CD44: variants seen among roughly 807,000 people sequenced by gnomAD.
CD44 encodes the protein CD44 molecule (IN blood group), also known as CD44 antigen.
A neutral mutation model predicts 88.8 loss-of-function variants in CD44; 49 were observed. The observed-to-expected ratio is 0.55, with a 90% CI of 0.44 to 0.70. The LOEUF (loss-of-function observed/expected upper bound fraction) is 0.70, where lower values mean the gene tolerates loss of function less well. CD44 is among the 30% of genes least tolerant of loss of function. The pLI, the probability that CD44 is intolerant of heterozygous loss-of-function variation, is 0.00. For synonymous variants in CD44, 325 were observed against 312.3 expected, an observed-to-expected ratio of 1.04 and a Z score of -0.43; for missense variants, 883 against 913.8, an observed-to-expected ratio of 0.97 and a Z score of 0.43.
chr11:35,194,747 A>G (rs1392928061), intron 5 of CD44, among the ~76,000 whole-genome samples: 1 of 152,226 alleles, frequency 6.6e-6, no homozygotes, highest in Admixed American at 6.5e-5. Flanking sequence ...CCTTTTGGCA[A>G]TGTGTATATA....
At chr11:35,207,985 A>G (rs1187835481) in intron 11 of CD44, 120 bp from the exon 12 acceptor site, 3 of 654,038 alleles carry the variant, frequency 4.6e-6, no homozygotes, top group Admixed American at 4.5e-5. Context: ...TATAGTCAGT[A>G]TGTGCTTTCT....
intron 15 of CD44, among the ~76,000 whole-genome samples, chr11:35,216,636 C>A (rs1288031905): frequency 6.6e-6 from 1 of 152,172 alleles, no homozygotes; most frequent in Non-Finnish European, 1.5e-5. Flanking sequence ...GAGATCAAAT[C>A]ATCTGCCTCA....
intron 14 of CD44, chr11:35,214,568 CA>C: frequency 9.4e-6 from 3 of 319,134 alleles, no homozygotes; most frequent in Non-Finnish European, 1.7e-5. Flanking sequence ...GGATTTCTAC[CA>C]AAACAAAGTT....
chr11:35,151,270 C>T (rs145566682), intron 1 of CD44, among the ~76,000 whole-genome samples: 99 of 152,176 alleles, frequency 6.5e-4, no homozygotes, highest in African/African-American at 2.3e-3. Flanking sequence ...TGAGGTCGGA[C>T]AGATTCCAGG....
At chr11:35,221,182 T>G (rs1472532717) in intron 16 of CD44, among the ~76,000 whole-genome samples, 1 of 152,224 alleles carries the variant, frequency 6.6e-6, no homozygotes, top group East Asian at 1.9e-4. Context: ...CTCCTCATAT[T>G]GTAGTGCGTA....
chr11:35,139,596 T>G (rs1346759727), intron 1 of CD44: 1 of 756,560 alleles, frequency 1.3e-6, no homozygotes, highest in African/African-American at 1.7e-5. Flanking sequence ...GAGAAGAAAG[T>G]TTGTTGGGCA....
At position 35,189,733 on chromosome 11, in the gene CD44, C is replaced by CATTACACCTATTACA. The variant is rs1946084095; in HGVS notation, c.437-96_437-95insCCTATTACAATTACA. 2.8e-5 allele frequency: 22 copies of CATTACACCTATTACA among 788,852 alleles called. 1 individual carries two copies. In the South Asian group the frequency reaches 3.4e-4, roughly 12 times the overall value. 48.9% of individuals were successfully genotyped at this position (788,852 alleles called of 1,614,324 possible). A position where few individuals can be genotyped will look rare whatever the true frequency, so the allele number is the denominator to read the frequency against. ...CACCACTGGATAGATAGGTGTTTCT[C>CATTACACCTATTACA]ATTACAAAGGAAAATAGCTTTGAAG... On this transcript the variant is annotated intron_variant, in intron 4 of 17. Transcript: ENST00000428726.
chr11:35,222,799 T>G (rs1949412623), intron 17 of CD44: 2 of 984,962 alleles, frequency 2.0e-6, no homozygotes, highest in Admixed American at 6.1e-5. Context: ...AAATGTCCCT[T>G]TAGATGGTTT....
chr11:35,194,715 T>C (rs957832381), intron 5 of CD44, among the ~76,000 whole-genome samples: 5 of 152,230 alleles, frequency 3.3e-5, no homozygotes, highest in African/African-American at 1.2e-4. Context: ...TGATTGATAT[T>C]CTTAAATGTC....
intron 3 of CD44, among the ~76,000 whole-genome samples, chr11:35,180,662 G>T (rs776354582): frequency 1.1e-4 from 17 of 152,136 alleles, no homozygotes; most frequent in Non-Finnish European, 2.4e-4. Context: ...ATTGGGAGAA[G>T]AATTGTCTTG....
At chr11:35,200,069 G>A (rs1489907327) in intron 7 of CD44, among the ~76,000 whole-genome samples, 4 of 150,572 alleles carry the variant, frequency 2.7e-5, no homozygotes, top group African/African-American at 9.8e-5. Flanking sequence ...TCTTTCTTCT[G>A]GAGGGGTGTG....
Position 35,186,821 on chromosome 11 carries a change from C to T in CD44, c.368-11C>T. 6.4e-7 allele frequency: 1 copy of T among 1,573,862 alleles called. No individual in the cohort carries two copies. The highest frequency in any genetic ancestry group is 8.7e-7 in the Non-Finnish European group (1 of 1,144,806). Reference sequence around the variant, plus strand: ...TTAAAGGGTTCTCATCCTTTTTTTCCTACCTCATAGCTCCACCTGAAGAAG... The same window carrying T: ...TTAAAGGGTTCTCATCCTTTTTTTCTTACCTCATAGCTCCACCTGAAGAAG... On this transcript the variant is annotated splice_polypyrimidine_tract_variant and intron_variant, in intron 3 of 17. Transcript: ENST00000428726.
At chr11:35,190,299 G>A (rs543067742) in intron 5 of CD44, 2 of 565,268 alleles carry the variant, frequency 3.5e-6, no homozygotes, top group Non-Finnish European at 6.3e-6. Flanking sequence ...AGCATAAGAA[G>A]TGCCATATTG....
chr11:35,159,859 T>C (rs1942373532), intron 1 of CD44, among the ~76,000 whole-genome samples: 2 of 152,208 alleles, frequency 1.3e-5, no homozygotes. Flanking sequence ...TTCAGCTTCA[T>C]GGGATTAATC....
At chr11:35,221,161 T>C (rs925560631) in intron 16 of CD44, among the ~76,000 whole-genome samples, 2 of 152,240 alleles carry the variant, frequency 1.3e-5, no homozygotes, top group Non-Finnish European at 2.9e-5. Context: ...TTCCATGTCA[T>C]TGAATATTTC....
At chr11:35,192,075 GT>G (rs1395561587) in intron 5 of CD44, among the ~76,000 whole-genome samples, 2 of 152,210 alleles carry the variant, frequency 1.3e-5, no homozygotes, top group Non-Finnish European at 2.9e-5. Context: ...GAAAAGGAGT[GT>G]TTATGAGATT....
At chr11:35,205,761 G>A (rs147443454) in intron 10 of CD44, 7 of 991,934 alleles carry the variant, frequency 7.1e-6, no homozygotes, top group African/African-American at 1.7e-5. Flanking sequence ...TCATGCACTC[G>A]GGCTTTTATA....
Position 35,196,864 on chromosome 11 carries a change from A to G in CD44, c.786A>G (p.Thr262=), listed in dbSNP as rs548324344. The G allele has an allele frequency of 1.9e-6, 3 of 1,613,378 alleles. No homozygotes were observed. The South Asian group carries it at 3.3e-5, about 18-fold the overall frequency. ...CAAAGAATCATCTTCACACAACAACACAAATGGCTGGTAATGAGTTATTAT... is the reference window on the plus strand; with the variant it reads ...CAAAGAATCATCTTCACACAACAACGCAAATGGCTGGTAATGAGTTATTAT... ...SESKNHLHTT[T]QMAGTSSNTI... The change falls in exon 6 of 18, where the codon ACA becomes ACG. Residue 262 remains threonine (T), a synonymous_variant. Transcript: ENST00000428726.
At chr11:35,172,444 G>A (rs981945331) in intron 1 of CD44, among the ~76,000 whole-genome samples, 2 of 152,188 alleles carry the variant, frequency 1.3e-5, no homozygotes, top group Non-Finnish European at 2.9e-5. Context: ...AGCTGAACCA[G>A]TTGAGATGTC....
Sources: gnomAD v4.1 joint callset for allele counts (sites outside exome capture counted in the v4.1 genomes callset) on GRCh38, gnomAD v4.1.1 for gene constraint, MANE v1.5 for transcripts, NCBI Gene and HGNC (gene_info 2026-07-23, HGNC 2026-07-21) for gene names.